SLCO2A1: variants seen among roughly 807,000 people sequenced by gnomAD.
SLCO2A1 encodes matrin F/G 1.
Under a neutral mutation model 71.7 loss-of-function variants are expected in SLCO2A1, and 60 were observed. That is an observed-to-expected ratio of 0.84 (90% CI 0.68 to 1.04). SLCO2A1 has a LOEUF of 1.04. Among genes scored for constraint, SLCO2A1 ranks in the 50% least tolerant of loss-of-function variants. The probability of loss-of-function intolerance (pLI) is 0.00; values close to 1 mark genes in which losing one functional copy is unlikely to be tolerated. For synonymous variants in SLCO2A1, 308 were observed against 326.7 expected (o/e 0.94, Z 0.62); for missense variants, 745 against 813.4 (o/e 0.92, Z 1.02).
intron 1 of SLCO2A1, among the ~76,000 whole-genome samples, chr3:133,982,250 T>C (rs1394429850): frequency 6.6e-6 from 1 of 152,198 alleles, no homozygotes; most frequent in Non-Finnish European, 1.5e-5. Context: ...TGACTTCAGA[T>C]GCCTTGCCAG....
chr3:133,988,132 C>T (rs1295780346), intron 1 of SLCO2A1, among the ~76,000 whole-genome samples: 1 of 152,206 alleles, frequency 6.6e-6, no homozygotes, highest in African/African-American at 2.4e-5. Flanking sequence ...CTGTTTCAGG[C>T]CATGACAGGA....
chr3:133,935,925 C>A (rs1933258822), intron 12 of SLCO2A1, 28 bp from the exon 13 acceptor site: 2 of 1,551,448 alleles, frequency 1.3e-6, no homozygotes, highest in South Asian at 1.2e-5. Flanking sequence ...AAGCCCTGGT[C>A]AGGTGGAACT....
At chr3:133,967,667 C>T (rs1285015326) in intron 3 of SLCO2A1, among the ~76,000 whole-genome samples, 1 of 151,978 alleles carries the variant, frequency 6.6e-6, no homozygotes, top group Non-Finnish European at 1.5e-5. Context: ...TAAATAGATC[C>T]ACTGGCCAGG....
At chr3:133,980,644 C>G (rs7646298) in intron 1 of SLCO2A1, among the ~76,000 whole-genome samples, 43,071 of 152,210 alleles carry the variant, frequency 0.28, 6,333 homozygotes, top group Middle Eastern at 0.37. Context: ...TGAACAGCTG[C>G]CATCACAGGA....
chr3:133,968,573 CA>C (rs2108052673), intron 3 of SLCO2A1, among the ~76,000 whole-genome samples: 1 of 152,326 alleles, frequency 6.6e-6, no homozygotes, highest in East Asian at 1.9e-4. Flanking sequence ...TTGTCTGCTC[CA>C]AAAATACAGT....
At chr3:133,949,232 A>C in intron 6 of SLCO2A1, 3 of 491,418 alleles carry the variant, frequency 6.1e-6, no homozygotes, top group South Asian at 2.3e-5. Flanking sequence ...ATATCATTTC[A>C]TATCTAACTT....
intron 1 of SLCO2A1, among the ~76,000 whole-genome samples, chr3:134,026,326 G>A (rs942922173): frequency 6.6e-6 from 1 of 151,334 alleles, no homozygotes; most frequent in Non-Finnish European, 1.5e-5. Context: ...GTCCCACCGG[G>A]ACTAGACAGC....
chr3:133,952,798 G>A (rs1436317023), intron 5 of SLCO2A1, among the ~76,000 whole-genome samples: 1 of 152,142 alleles, frequency 6.6e-6, no homozygotes, highest in Non-Finnish European at 1.5e-5. Context: ...AGATGAGGAA[G>A]CTGAGGCACA....
At position 134,010,337 on chromosome 3, in the gene SLCO2A1, C is replaced by T. The variant is rs574844270; in HGVS notation, c.96+19370G>A. Among the ~76,000 whole-genome samples the T allele has an allele frequency of 5.9e-5, 9 of 152,200 alleles. No homozygotes were observed. The East Asian group carries it at 1.7e-3, about 29-fold the overall frequency. On this transcript the variant is annotated intron_variant, in intron 1 of 13. Coordinates refer to ENST00000310926, the MANE Select transcript of SLCO2A1 (RefSeq NM_005630.3). ...ACATGACTGGGGAGGCCTCAGGAAACTTACAATCATGGCGGATGGTGAAGG... is the reference window on the plus strand; with the variant it reads ...ACATGACTGGGGAGGCCTCAGGAAATTTACAATCATGGCGGATGGTGAAGG...
At chr3:133,951,393 C>T in intron 5 of SLCO2A1, 49 bp from the exon 6 acceptor site, 1 of 1,603,358 alleles carries the variant, frequency 6.2e-7, no homozygotes, top group Non-Finnish European at 8.5e-7. Flanking sequence ...CATGATCTCA[C>T]CTTACTGGAA....
At position 133,948,493 on chromosome 3, in the gene SLCO2A1, C is replaced by T. The variant is rs766159369; in HGVS notation, c.1105+43G>A. Reference sequence around the variant, plus strand: ...GGTGGCTGGAGTGCCTGCCTCCTGGCCCAGGCAAGCCCTGCGGATCCTGCA... The same window carrying T: ...GGTGGCTGGAGTGCCTGCCTCCTGGTCCAGGCAAGCCCTGCGGATCCTGCA... On this transcript the variant is annotated intron_variant, in intron 8 of 13. Transcript: ENST00000310926. 4.4e-6 allele frequency: 7 copies of T among 1,581,442 alleles called. No homozygotes were observed. In the East Asian group the frequency reaches 1.1e-4, roughly 25 times the overall value.
At chr3:134,011,746 C>T (rs1286600593) in intron 1 of SLCO2A1, among the ~76,000 whole-genome samples, 3 of 152,190 alleles carry the variant, frequency 2.0e-5, no homozygotes, top group Non-Finnish European at 4.4e-5. Flanking sequence ...ATGTTGTCTC[C>T]AGTGAGCCCC....
At chr3:134,024,310 G>A (rs1300164513) in intron 1 of SLCO2A1, among the ~76,000 whole-genome samples, 1 of 152,204 alleles carries the variant, frequency 6.6e-6, no homozygotes, top group African/African-American at 2.4e-5. Context: ...GACACAATTG[G>A]AGTCCCATGA....
At chr3:133,958,208 A>G (rs991074216) in intron 3 of SLCO2A1, among the ~76,000 whole-genome samples, 1 of 152,180 alleles carries the variant, frequency 6.6e-6, no homozygotes, top group Admixed American at 6.5e-5. Flanking sequence ...GGGCAAGGCT[A>G]ACAGATGTTG....
In SLCO2A1 at chr3:134,029,784, G is replaced by T; in HGVS notation, c.19C>A (p.Leu7Ile). Residue 7 changes from leucine to isoleucine, a missense_variant, in exon 1 of 14, where the codon CTC (leucine) becomes ATC (isoleucine). Transcript: ENST00000310926. The stretch of plus-strand genomic sequence containing the variant: ...GTGTCGCTGCCCTGGGACGCGCCGA[G>T]CTTGGGCAGGAGCCCCATGGCTGCG... MGLLPK[L>I]GASQGSDTST... 2 of 1,536,312 alleles carry T rather than the reference G, an allele frequency of 1.3e-6. No homozygotes were observed. The highest frequency in any genetic ancestry group is 8.7e-7 in the Non-Finnish European group (1 of 1,147,316).
At position 133,993,717 on chromosome 3, in the gene SLCO2A1, T is replaced by G. The variant is rs73861298; in HGVS notation, c.97-14099A>C. 8.6e-3 allele frequency among the ~76,000 whole-genome samples: 1,311 copies of G among 152,346 alleles called. 22 individuals carry two copies. The highest frequency in any genetic ancestry group is 0.03 in the African/African-American group (1,246 of 41,582). Reference sequence around the variant, plus strand: ...TTTCTGGGAACTTGGCAGTAATTTGTTAGGTTGAAAAGAACCTGCTTTGCA... The same window carrying G: ...TTTCTGGGAACTTGGCAGTAATTTGGTAGGTTGAAAAGAACCTGCTTTGCA... On this transcript the variant is annotated intron_variant, in intron 1 of 13. Coordinates refer to ENST00000310926, the MANE Select transcript of SLCO2A1 (RefSeq NM_005630.3).
chr3:134,000,832 T>A (rs1935090683), intron 1 of SLCO2A1, among the ~76,000 whole-genome samples: 1 of 152,240 alleles, frequency 6.6e-6, no homozygotes, highest in African/African-American at 2.4e-5. Flanking sequence ...TGTCTTATTA[T>A]GTCTGCTACC....
At chr3:134,029,644 G>C (rs924117305) in intron 1 of SLCO2A1, 63 bp downstream of exon 1, 2 of 1,366,786 alleles carry the variant, frequency 1.5e-6, no homozygotes, top group African/African-American at 2.9e-5. Context: ...ACAGAAGCGG[G>C]TGCCCAGCCG....
intron 3 of SLCO2A1, among the ~76,000 whole-genome samples, chr3:133,967,208 G>A (rs138674713): frequency 6.6e-6 from 1 of 152,218 alleles, no homozygotes; most frequent in Admixed American, 6.5e-5. Flanking sequence ...AGGCATGCCT[G>A]AGGGTCCACA....
Sources: allele counts gnomAD v4.1 joint callset (sites outside exome capture counted in the v4.1 genomes callset), GRCh38; gene constraint gnomAD v4.1.1; transcripts MANE v1.5; gene names NCBI Gene and HGNC (gene_info 2026-07-23, HGNC 2026-07-21).